MIER1: variants seen among roughly 807,000 people sequenced by gnomAD.
The protein encoded by MIER1 is mesoderm induction early response protein 1.
A neutral mutation model predicts 75.7 loss-of-function variants in MIER1; 40 were observed. That is an observed-to-expected ratio of 0.53 (90% confidence interval 0.41 to 0.69). The LOEUF (loss-of-function observed/expected upper bound fraction) is 0.69, where lower values mean the gene tolerates loss of function less well. MIER1 is among the 30% of genes least tolerant of loss of function. MIER1 has a pLI of 0.00. For missense variants in MIER1, 574 were observed against 680.2 expected (o/e 0.84, Z 1.74); for synonymous variants, 213 against 223.4 (o/e 0.95, Z 0.42).
At chr1:66,956,602 C>G (rs1319513423) in intron 4 of MIER1, among the ~76,000 whole-genome samples, 2 of 152,284 alleles carry the variant, frequency 1.3e-5, no homozygotes, top group East Asian at 3.9e-4. Context: ...CTTTGAGAGA[C>G]ACAGTGTAAG....
intron 2 of MIER1, chr1:66,932,525 A>G (rs1439967274): frequency 1.3e-5 from 2 of 152,228 alleles, no homozygotes; most frequent in African/African-American, 2.4e-5. Flanking sequence ...CCTGGCCTCA[A>G]TACTTGAATA....
chr1:66,936,706 T>G (rs1230746500), intron 2 of MIER1, among the ~76,000 whole-genome samples: 14 of 151,544 alleles, frequency 9.2e-5, no homozygotes, highest in Non-Finnish European at 1.8e-4. Flanking sequence ...TGAAAATCAT[T>G]TCAAAAAAGA....
chr1:66,967,987 T>G (rs1176705287), intron 8 of MIER1, among the ~76,000 whole-genome samples: 2 of 152,232 alleles, frequency 1.3e-5, no homozygotes, highest in Admixed American at 1.3e-4. Context: ...TGCCTTTATA[T>G]CTTTCTCTTG....
intron 4 of MIER1, chr1:66,946,658 C>A (rs769836311): frequency 2.0e-6 from 2 of 993,870 alleles, no homozygotes; most frequent in Non-Finnish European, 2.4e-6. Context: ...GCCAAAAATT[C>A]TTGAAGTATC....
chr1:66,937,695 T>C (rs1655247147), intron 2 of MIER1, among the ~76,000 whole-genome samples: 1 of 152,256 alleles, frequency 6.6e-6, no homozygotes, highest in Non-Finnish European at 1.5e-5. Context: ...CCAAACTTCC[T>C]ATATTAAGAT....
In MIER1 at chr1:66,958,838, T is replaced by G. The variant is rs200878408; in HGVS notation, c.502-13T>G. 18 of 1,585,764 alleles carry G rather than the reference T, an allele frequency of 1.1e-5. No individual in the cohort carries two copies. In the East Asian group the frequency reaches 4.0e-4, roughly 36 times the overall value. ...CCTTACATCTTAGAGAAATTTAATT[T>G]ATTATTCCACAGGAGGAGAATATAA... On this transcript the variant is annotated splice_polypyrimidine_tract_variant and intron_variant, in intron 5 of 13. Coordinates refer to ENST00000401041, the MANE Select transcript of MIER1 (RefSeq NM_001077700.3).
At chr1:66,936,468 G>A (rs1441960185) in intron 2 of MIER1, among the ~76,000 whole-genome samples, 1 of 151,802 alleles carries the variant, frequency 6.6e-6, no homozygotes, top group African/African-American at 2.4e-5. Flanking sequence ...CCTGACCTAG[G>A]GTGATCTGCC....
intron 2 of MIER1, chr1:66,930,360 C>T: frequency 1.2e-6 from 2 of 1,607,010 alleles, no homozygotes; most frequent in Non-Finnish European, 8.5e-7. Context: ...GCTGCGGCCG[C>T]CGCGGAGATG....
intron 4 of MIER1, among the ~76,000 whole-genome samples, chr1:66,950,924 T>C (rs1216940963): frequency 2.0e-5 from 3 of 152,164 alleles, no homozygotes; most frequent in Non-Finnish European, 4.4e-5. Context: ...TCATTAGCAT[T>C]TTATTGGTAA....
At chr1:66,953,564 G>GT (rs1382250473) in intron 4 of MIER1, among the ~76,000 whole-genome samples, 3 of 148,702 alleles carry the variant, frequency 2.0e-5, no homozygotes, top group African/African-American at 7.4e-5. Context: ...TGAGTTACAA[G>GT]TTTAATACTA....
At chr1:66,925,368 G>C (rs1262304587) in intron 1 of MIER1, 7 of 985,224 alleles carry the variant, frequency 7.1e-6, no homozygotes, top group Non-Finnish European at 8.4e-6. Context: ...GCCGCGCTGG[G>C]AATCCGCTGC....
Position 66,985,491 on chromosome 1 carries a change from A to G in MIER1, c.*591A>G, listed in dbSNP as rs989799640. The stretch of plus-strand genomic sequence containing the variant: ...AACCAGGTCAGGTTTGTATATGTAA[A>G]ATTGTTGACATCAATGATGTCTTTC... On this transcript the variant is annotated 3_prime_UTR_variant, in exon 14 of 14. Coordinates refer to ENST00000401041, the MANE Select transcript of MIER1 (RefSeq NM_001077700.3). The G allele has an allele frequency of 3.9e-5, 38 of 983,652 alleles. No individual in the cohort carries two copies. The highest frequency in any genetic ancestry group is 4.5e-5 in the Non-Finnish European group (37 of 828,338). The allele number at this position is 983,652 out of a possible 1,614,324, so 60.9% of individuals were successfully genotyped here.
chr1:66,952,449 C>G (rs1042417166), intron 4 of MIER1, among the ~76,000 whole-genome samples: 4 of 152,058 alleles, frequency 2.6e-5, no homozygotes, highest in Admixed American at 2.0e-4. Flanking sequence ...TTTATAGCAT[C>G]AGAATTTGGG....
intron 2 of MIER1, among the ~76,000 whole-genome samples, chr1:66,929,432 G>A (rs571643010): frequency 1.3e-5 from 2 of 152,362 alleles, no homozygotes; most frequent in South Asian, 4.1e-4. Context: ...AGTGAAACAT[G>A]TTAGTTACTT....
At chr1:66,973,026 A>C in intron 11 of MIER1, 35 bp downstream of exon 11, 1 of 1,170,400 alleles carries the variant, frequency 8.5e-7, no homozygotes, top group Non-Finnish European at 1.3e-6. Flanking sequence ...GCAAAAAGAA[A>C]TTTAGTTGAA....
chr1:66,942,838 G>A (rs1308685719), intron 3 of MIER1, among the ~76,000 whole-genome samples: 1 of 152,118 alleles, frequency 6.6e-6, no homozygotes, highest in African/African-American at 2.4e-5. Context: ...ATAAGGGAGT[G>A]AAATGGCAAG....
chr1:66,974,645 A>G (rs1258950347), intron 11 of MIER1, among the ~76,000 whole-genome samples: 1 of 152,172 alleles, frequency 6.6e-6, no homozygotes, highest in Non-Finnish European at 1.5e-5. Context: ...TATTAAAAGT[A>G]TAACCTTGAT....
chr1:66,953,434 C>T (rs967867589), intron 4 of MIER1, among the ~76,000 whole-genome samples: 9 of 152,048 alleles, frequency 5.9e-5, no homozygotes, highest in Admixed American at 2.6e-4. Context: ...TTCACTTTTA[C>T]CTTAGATTAA....
At chr1:66,925,353 G>A (rs1331391939) in intron 1 of MIER1, 2 of 985,356 alleles carry the variant, frequency 2.0e-6, no homozygotes, top group Non-Finnish European at 2.4e-6. Context: ...CTTCGCGGTG[G>A]TGGCGCCGCG....
Sources: gnomAD v4.1 joint callset for allele counts (sites outside exome capture counted in the v4.1 genomes callset) on GRCh38, gnomAD v4.1.1 for gene constraint, MANE v1.5 for transcripts, NCBI Gene and HGNC (gene_info 2026-07-23, HGNC 2026-07-21) for gene names.